The following LRRC8D variants were observed in gnomAD, a reference collection of about 807,000 sequenced individuals.
LRRC8D encodes the protein volume-regulated anion channel subunit LRRC8D.
Under a neutral mutation model 55.8 loss-of-function variants are expected in LRRC8D, and 20 were observed. The ratio of observed to expected loss-of-function variants is 0.36; its 90% CI spans 0.25 to 0.52. The LOEUF is 0.52. Among genes scored for constraint, LRRC8D ranks in the 20% least tolerant of loss-of-function variants. The pLI is 0.93. For synonymous variants in LRRC8D, 352 were observed against 377.0 expected (o/e 0.93, Z 0.77); for missense variants, 651 against 1,030.8 (o/e 0.63, Z 5.05).
chr1:89,908,115 G>GATA (rs1307612868), intron 2 of LRRC8D, among the ~76,000 whole-genome samples: 3 of 151,980 alleles, frequency 2.0e-5, no homozygotes, highest in Non-Finnish European at 4.4e-5. Flanking sequence ...TGATGATGAT[G>GATA]ATGATGATGT....
chr1:89,865,407 CGCAAAT>C (rs1661818929), intron 2 of LRRC8D, among the ~76,000 whole-genome samples: 1 of 148,674 alleles, frequency 6.7e-6, no homozygotes, highest in Admixed American at 6.7e-5. Context: ...ATTTTAAAAT[CGCAAAT>C]ACAAATAATA....
chr1:89,827,025 A>G (rs1660781358), intron 1 of LRRC8D, among the ~76,000 whole-genome samples: 2 of 152,170 alleles, frequency 1.3e-5, no homozygotes, highest in African/African-American at 2.4e-5. Flanking sequence ...TGTTGCAGAA[A>G]AACAAAAACC....
At chr1:89,865,716 T>G (rs201162267) in intron 2 of LRRC8D, among the ~76,000 whole-genome samples, 5 of 152,338 alleles carry the variant, frequency 3.3e-5, no homozygotes, top group East Asian at 3.9e-4. Flanking sequence ...TTTAATGATT[T>G]TAATGACTTA....
chr1:89,834,238 C>A (rs1181669745), intron 1 of LRRC8D, among the ~76,000 whole-genome samples: 1 of 152,150 alleles, frequency 6.6e-6, no homozygotes, highest in Non-Finnish European at 1.5e-5. Flanking sequence ...AAAGCAAATG[C>A]CTTTTTTGAG....
chr1:89,889,235 A>C (rs913357774), intron 2 of LRRC8D, among the ~76,000 whole-genome samples: 4 of 152,314 alleles, frequency 2.6e-5, no homozygotes, highest in Middle Eastern at 3.4e-3. Context: ...GACTAATTCC[A>C]GTTGGTGGTC....
intron 2 of LRRC8D, among the ~76,000 whole-genome samples, chr1:89,892,651 T>G (rs1433245666): frequency 6.6e-6 from 1 of 152,326 alleles, no homozygotes; most frequent in South Asian, 2.1e-4. Flanking sequence ...CCTGAGTAGC[T>G]GGGGCTATAG....
intron 2 of LRRC8D, among the ~76,000 whole-genome samples, chr1:89,874,451 G>C (rs946535299): frequency 4.3e-5 from 6 of 140,220 alleles, no homozygotes; most frequent in African/African-American, 1.9e-4. Context: ...ATTTGTGTGT[G>C]TGTGTGTGTG....
intron 2 of LRRC8D, among the ~76,000 whole-genome samples, chr1:89,875,019 A>G (rs1037286773): frequency 2.6e-5 from 4 of 152,140 alleles, no homozygotes; most frequent in African/African-American, 9.7e-5. Context: ...AACTTCTCTT[A>G]CCTGTTGTCT....
chr1:89,859,015 A>G (rs867449733), intron 2 of LRRC8D, among the ~76,000 whole-genome samples: 1 of 152,250 alleles, frequency 6.6e-6, no homozygotes, highest in South Asian at 2.1e-4. Flanking sequence ...ACAATTGAAC[A>G]CAAAATATAA....
intron 2 of LRRC8D, among the ~76,000 whole-genome samples, chr1:89,891,026 C>T (rs1251420113): frequency 3.3e-5 from 5 of 152,126 alleles, no homozygotes; most frequent in African/African-American, 7.2e-5. Flanking sequence ...GGACTGCAGG[C>T]GCCCACCACC....
At chr1:89,828,300 G>A (rs1237652763) in intron 1 of LRRC8D, among the ~76,000 whole-genome samples, 1 of 152,186 alleles carries the variant, frequency 6.6e-6, no homozygotes, top group Non-Finnish European at 1.5e-5. Flanking sequence ...TGGATGATGG[G>A]ACCAACTCCC....
At chr1:89,823,714 C>A (rs1385200994) in intron 1 of LRRC8D, among the ~76,000 whole-genome samples, 3 of 152,130 alleles carry the variant, frequency 2.0e-5, no homozygotes, top group African/African-American at 7.2e-5. Context: ...GGGATCTTAA[C>A]AAGGCAGGAG....
chr1:89,838,169 G>A (rs1167033800), intron 1 of LRRC8D, among the ~76,000 whole-genome samples: 2 of 149,888 alleles, frequency 1.3e-5, no homozygotes. Context: ...AGACCAGCCT[G>A]GGCAACATGG....
chr1:89,932,494 G>C (rs1663735703), intron 2 of LRRC8D, among the ~76,000 whole-genome samples: 1 of 152,226 alleles, frequency 6.6e-6, no homozygotes, highest in Non-Finnish European at 1.5e-5. Context: ...GTGGCCAGAG[G>C]ATGTGCTAAG....
intron 1 of LRRC8D, among the ~76,000 whole-genome samples, chr1:89,833,995 C>G (rs546620617): frequency 6.6e-6 from 1 of 152,084 alleles, no homozygotes; most frequent in Non-Finnish European, 1.5e-5. Context: ...CTCTGGGCAG[C>G]GACACTGTGG....
chr1:89,848,649 A>G (rs1661337285), intron 2 of LRRC8D, among the ~76,000 whole-genome samples: 1 of 152,050 alleles, frequency 6.6e-6, no homozygotes, highest in African/African-American at 2.4e-5. Context: ...ATTATCTCTA[A>G]TCCTCCTGGT....
intron 2 of LRRC8D, among the ~76,000 whole-genome samples, chr1:89,858,404 C>T (rs965506162): frequency 6.6e-6 from 1 of 152,124 alleles, no homozygotes; most frequent in Non-Finnish European, 1.5e-5. Flanking sequence ...AGGGAACTCA[C>T]CTCCCCACCT....
intron 1 of LRRC8D, among the ~76,000 whole-genome samples, chr1:89,826,849 A>G (rs1660777603): frequency 6.6e-6 from 1 of 152,224 alleles, no homozygotes; most frequent in Non-Finnish European, 1.5e-5. Context: ...CAGGGAAACC[A>G]CACTAGGATG....
intron 1 of LRRC8D, among the ~76,000 whole-genome samples, chr1:89,826,428 C>A (rs1365399395): frequency 6.6e-6 from 1 of 152,084 alleles, no homozygotes; most frequent in Non-Finnish European, 1.5e-5. Context: ...CTGCACACAG[C>A]TAATTTTTTG....
Sources: gnomAD v4.1 joint callset for allele counts (sites outside exome capture counted in the v4.1 genomes callset) on GRCh38, gnomAD v4.1.1 for gene constraint, MANE v1.5 for transcripts, NCBI Gene and HGNC (gene_info 2026-07-23, HGNC 2026-07-21) for gene names.